Variants in ABCB11 observed in about 807,000 individuals in gnomAD.
The protein encoded by ABCB11 is bile salt export pump.
ABCB11 carries 95 observed loss-of-function variants against 148.0 expected under a neutral mutation model. The observed-to-expected ratio is 0.64, with a 90% CI of 0.54 to 0.76. ABCB11 has a LOEUF of 0.76. ABCB11 is among the 30% of genes least tolerant of loss of function. The probability of loss-of-function intolerance (pLI) is 0.00; values close to 1 mark genes in which losing one functional copy is unlikely to be tolerated. For synonymous variants in ABCB11, 591 were observed against 555.4 expected (o/e 1.06, Z -0.90); for missense variants, 1,523 against 1,617.8 (o/e 0.94, Z 1.01).
intron 1 of ABCB11, among the ~76,000 whole-genome samples, chr2:169,030,362 G>C (rs1415863175): frequency 2.0e-5 from 3 of 152,088 alleles, no homozygotes; most frequent in Admixed American, 6.6e-5. Context: ...CCAAGGTGAG[G>C]GGGGTGAGCA....
intron 9 of ABCB11, among the ~76,000 whole-genome samples, chr2:168,988,274 GC>G (rs1226199327): frequency 2.0e-5 from 3 of 151,948 alleles, no homozygotes; most frequent in South Asian, 2.1e-4. Flanking sequence ...GTTCTCGCCT[GC>G]CCCCTCCCAC....
chr2:168,990,051 G>C (rs972034483), intron 9 of ABCB11, among the ~76,000 whole-genome samples: 8 of 152,048 alleles, frequency 5.3e-5, no homozygotes, highest in Admixed American at 4.6e-4. Context: ...TGTTTATCAT[G>C]GATATTGGCC....
rs181606442 is a variant in ABCB11 at position 168,944,041 on chromosome 2, C to A, written c.2610+564G>T. Reference sequence around the variant, plus strand: ...AGTCTAGCCTCATCATATGTGTAAGCCCCTTGAACAAGGCTGTAGGTTTTG... The same window carrying A: ...AGTCTAGCCTCATCATATGTGTAAGACCCTTGAACAAGGCTGTAGGTTTTG... On this transcript the variant is annotated intron_variant, in intron 21 of 27. Transcript: ENST00000650372. Among the ~76,000 whole-genome samples the A allele has an allele frequency of 5.0e-4, 76 of 152,082 alleles. 1 individual carries two copies. In the East Asian group the frequency reaches 0.014, roughly 29 times the overall value.
chr2:168,915,744 T>C (rs1690928791), intron 2 of ABCB11, among the ~76,000 whole-genome samples: 1 of 152,240 alleles, frequency 6.6e-6, no homozygotes, highest in Non-Finnish European at 1.5e-5. Context: ...CCAGGCTTTA[T>C]TCAGAAAGGG....
At chr2:168,966,459 G>T (rs1693326961) in intron 17 of ABCB11, among the ~76,000 whole-genome samples, 1 of 151,826 alleles carries the variant, frequency 6.6e-6, no homozygotes, top group Non-Finnish European at 1.5e-5. Context: ...CATGTGCTAG[G>T]CAGGTTTACC....
intron 21 of ABCB11, among the ~76,000 whole-genome samples, chr2:168,939,732 G>A (rs1691980483): frequency 6.6e-6 from 1 of 152,066 alleles, no homozygotes; most frequent in African/African-American, 2.4e-5. Context: ...TTGCTTAGCA[G>A]ATATTGTGAT....
chr2:168,919,546 A>G (rs1010492711), downstream of ABCB11, among the ~76,000 whole-genome samples: 1 of 151,966 alleles, frequency 6.6e-6, no homozygotes. Context: ...CATCCTGGAG[A>G]TTCCCAGCAC....
chr2:168,958,473 T>C (rs1203285511), intron 18 of ABCB11, among the ~76,000 whole-genome samples: 1 of 151,750 alleles, frequency 6.6e-6, no homozygotes, highest in Non-Finnish European at 1.5e-5. Flanking sequence ...ACGGTTGTAT[T>C]TATACCGGTG....
intron 18 of ABCB11, 110 bp from the exon 19 acceptor site, chr2:168,958,238 G>T: frequency 1.0e-6 from 1 of 984,720 alleles, no homozygotes; most frequent in Non-Finnish European, 1.5e-6. Flanking sequence ...AGTTATGAGT[G>T]ACCTCAAATG....
intron 19 of ABCB11, among the ~76,000 whole-genome samples, chr2:168,955,238 C>G (rs1692738120): frequency 6.6e-6 from 1 of 151,324 alleles, no homozygotes; most frequent in Non-Finnish European, 1.5e-5. Context: ...AATTATTTAC[C>G]CGGCATTTCA....
intron 6 of ABCB11, among the ~76,000 whole-genome samples, 192 bp from the exon 7 acceptor site, chr2:168,995,674 G>A (rs1694690168): frequency 6.6e-6 from 1 of 151,966 alleles, no homozygotes; most frequent in South Asian, 2.1e-4. Flanking sequence ...AGAACCTTCA[G>A]CAGGGTAGCC....
rs1302740147 is a variant in ABCB11 at position 169,014,994 on chromosome 2, C to G, written c.99-640G>C. On this transcript the variant is annotated intron_variant, in intron 3 of 27. Transcript: ENST00000650372. ...GAACTACTGTCTGACATGTTTAACT[C>G]CTTGGCACTCTGTGACTGCCCATGT... Among the ~76,000 whole-genome samples the G allele has an allele frequency of 2.6e-5, 4 of 152,248 alleles. No homozygotes were observed. In the South Asian group the frequency reaches 8.3e-4, roughly 32 times the overall value.
At chr2:169,019,184 G>A (rs1222267480) in intron 1 of ABCB11, among the ~76,000 whole-genome samples, 1 of 152,134 alleles carries the variant, frequency 6.6e-6, no homozygotes, top group Non-Finnish European at 1.5e-5. Context: ...ACCGTGATAT[G>A]TATTACATAC....
Position 168,986,118 on chromosome 2 carries a change from G to C in ABCB11, c.1075C>G (p.Leu359Val). 6 of 1,603,990 alleles carry C rather than the reference G, an allele frequency of 3.7e-6. No individual in the cohort carries two copies. Among genetic ancestry groups the C allele is most frequent in the Non-Finnish European group, 5.1e-6 (6 of 1,174,656 alleles). ...CAATAAGTCCAAGGTACCTGGACAA[G>C]GGTTCCTGGTGTATATTCTCCTTCA... is the stretch of plus-strand genomic sequence containing the variant. ...LDEGEYTPGT[L>V]VQIFLSVIVG... Residue 359 changes from leucine (L) to valine (V), a missense_variant, in exon 10 of 28, where the codon CTT (leucine) becomes GTT (valine). By Grantham distance (32) the Leu-to-Val change is conservative. Transcript: ENST00000650372.
intron 7 of ABCB11, among the ~76,000 whole-genome samples, chr2:168,994,684 T>G (rs1405188939): frequency 6.6e-6 from 1 of 152,120 alleles, no homozygotes; most frequent in African/African-American, 2.4e-5. Context: ...GCAAGGCAAT[T>G]GCTCCAGAAT....
chr2:168,961,836 T>G (rs1214423484), intron 18 of ABCB11, among the ~76,000 whole-genome samples: 1 of 151,648 alleles, frequency 6.6e-6, no homozygotes, highest in African/African-American at 2.4e-5. Flanking sequence ...TGGCGATAAC[T>G]CCTTTGTGTG....
chr2:168,985,211 T>C (rs1391197422), intron 10 of ABCB11, among the ~76,000 whole-genome samples: 1 of 152,090 alleles, frequency 6.6e-6, no homozygotes, highest in Non-Finnish European at 1.5e-5. Context: ...CACCTTAATC[T>C]TGCAAGAATG....
intron 12 of ABCB11, among the ~76,000 whole-genome samples, chr2:168,976,146 T>C (rs1467501427): frequency 6.6e-6 from 1 of 152,138 alleles, no homozygotes; most frequent in Non-Finnish European, 1.5e-5. Flanking sequence ...AGTAAAAACC[T>C]ACATAATGGC....
chr2:168,992,148 A>G (rs183239200), intron 8 of ABCB11, among the ~76,000 whole-genome samples: 92 of 152,112 alleles, frequency 6.0e-4, no homozygotes, highest in Admixed American at 3.4e-3. Context: ...TGCTTGTAGA[A>G]GTTTGTTGTA....
Sources: gnomAD v4.1 joint callset for allele counts (sites outside exome capture counted in the v4.1 genomes callset) on GRCh38, gnomAD v4.1.1 for gene constraint, MANE v1.5 for transcripts, NCBI Gene and HGNC (gene_info 2026-07-23, HGNC 2026-07-21) for gene names.